FAM227B: variants seen among roughly 807,000 people sequenced by gnomAD.
FAM227B encodes the protein family with sequence similarity 227 member B, also known as protein FAM227B.
Under a neutral mutation model 73.8 loss-of-function variants are expected in FAM227B, and 88 were observed. That is an observed-to-expected ratio of 1.19 (90% CI 1.00 to 1.42). FAM227B has a LOEUF of 1.42. Ranked by LOEUF, FAM227B falls within the 40% of genes most tolerant of loss-of-function variation. The probability of loss-of-function intolerance (pLI) is 0.00; values close to 1 mark genes in which losing one functional copy is unlikely to be tolerated. For synonymous variants in FAM227B, 210 were observed against 190.5 expected, an observed-to-expected ratio of 1.10 and a Z score of -0.84; for missense variants, 632 against 590.9, an observed-to-expected ratio of 1.07 and a Z score of -0.72.
intron 15 of FAM227B, chr15:49,329,549 C>T: frequency 2.0e-6 from 2 of 984,962 alleles, no homozygotes. Flanking sequence ...TAAAGGATAA[C>T]AGTCATACAT....
intron 11 of FAM227B, 68 bp downstream of exon 11, chr15:49,508,143 G>T: frequency 2.7e-6 from 4 of 1,487,236 alleles, no homozygotes; most frequent in South Asian, 1.3e-5. Context: ...AGAAAATTCT[G>T]CCTAATAAAT....
intron 11 of FAM227B, among the ~76,000 whole-genome samples, chr15:49,428,133 C>T (rs1293674005): frequency 1.3e-5 from 2 of 151,750 alleles, no homozygotes; most frequent in African/African-American, 4.8e-5. Context: ...GATACTGGAC[C>T]ACATTTCTGA....
chr15:49,551,779 T>A (rs2073054425), intron 9 of FAM227B, among the ~76,000 whole-genome samples: 1 of 152,172 alleles, frequency 6.6e-6, no homozygotes, highest in South Asian at 2.1e-4. Context: ...TGGTTTGAGG[T>A]TACCATGAGG....
At chr15:49,580,681 T>C (rs1252416699) in intron 5 of FAM227B, among the ~76,000 whole-genome samples, 1 of 152,008 alleles carries the variant, frequency 6.6e-6, no homozygotes, top group Non-Finnish European at 1.5e-5. Flanking sequence ...TGGATAGAAA[T>C]AAAGATCATG....
intron 11 of FAM227B, among the ~76,000 whole-genome samples, chr15:49,493,253 A>G (rs1220742196): frequency 2.0e-5 from 3 of 151,896 alleles, no homozygotes; most frequent in Non-Finnish European, 2.9e-5. Flanking sequence ...TCAATTACCA[A>G]TTGTAGAACC....
Position 49,386,604 on chromosome 15 carries a change from G to T in FAM227B, c.1013-15205C>A, listed in dbSNP as rs13380075. On this transcript the variant is annotated intron_variant, in intron 11 of 15. Transcript: ENST00000299338. ...TCACACCTCAAGGAACTAGAGAAAC[G>T]AGAACAGACTAAACCTGAAGCTAGA... 3.3e-4 allele frequency among the ~76,000 whole-genome samples: 50 copies of T among 151,540 alleles called. 1 individual carries two copies. Among genetic ancestry groups the T allele is most frequent in the African/African-American group, 1.2e-3 (50 of 41,380 alleles).
chr15:49,424,210 A>G (rs911558916), intron 11 of FAM227B: 1 of 1,163,048 alleles, frequency 8.6e-7, no homozygotes, highest in Middle Eastern at 2.0e-4. Context: ...ATTCACAGAT[A>G]GGAAGAGGTC....
intron 13 of FAM227B, among the ~76,000 whole-genome samples, chr15:49,350,645 T>G (rs2042104123): frequency 1.3e-5 from 2 of 152,162 alleles, no homozygotes; most frequent in African/African-American, 4.8e-5. Context: ...AGAACCCCTA[T>G]GAGGGTACTG....
At chr15:49,357,833 C>A (rs573379505) in intron 13 of FAM227B, among the ~76,000 whole-genome samples, 5,605 of 148,894 alleles carry the variant, frequency 0.038, 135 homozygotes, top group Non-Finnish European at 0.044. Flanking sequence ...ATGCAAAAAT[C>A]CTCAATAAAA....
intron 11 of FAM227B, among the ~76,000 whole-genome samples, chr15:49,447,927 T>C (rs982961799): frequency 6.6e-6 from 1 of 151,704 alleles, no homozygotes; most frequent in Admixed American, 6.6e-5. Context: ...CTCAGGCTCG[T>C]GTCCTTTAAA....
chr15:49,497,789 T>G (rs2057756324), intron 11 of FAM227B, among the ~76,000 whole-genome samples: 1 of 152,204 alleles, frequency 6.6e-6, no homozygotes, highest in Non-Finnish European at 1.5e-5. Context: ...GTGGTAGACA[T>G]GTAATTCTCA....
intron 13 of FAM227B, among the ~76,000 whole-genome samples, chr15:49,340,746 G>C (rs2040597444): frequency 1.3e-5 from 2 of 152,060 alleles, no homozygotes; most frequent in Non-Finnish European, 1.5e-5. Context: ...TTATATTGCT[G>C]TGCAGAAGCT....
chr15:49,583,654 C>CAAA (rs200243389), intron 5 of FAM227B, among the ~76,000 whole-genome samples: 97 of 103,592 alleles, frequency 9.4e-4, no homozygotes, highest in East Asian at 3.3e-3. Context: ...TTTCACTTGG[C>CAAA]AAAAAAAAAA....
chr15:49,408,460 A>G (rs1395273272), intron 11 of FAM227B, among the ~76,000 whole-genome samples: 4 of 152,082 alleles, frequency 2.6e-5, no homozygotes, highest in African/African-American at 7.2e-5. Context: ...TGATCACTTG[A>G]GTTCTTATTC....
At chr15:49,614,510 G>A (rs2153339760) in intron 2 of FAM227B, among the ~76,000 whole-genome samples, 1 of 152,294 alleles carries the variant, frequency 6.6e-6, no homozygotes, top group East Asian at 1.9e-4. Flanking sequence ...TGCAGAAGTT[G>A]TAAACCCATG....
intron 11 of FAM227B, among the ~76,000 whole-genome samples, chr15:49,504,641 T>A (rs2058439150): frequency 6.6e-6 from 1 of 152,106 alleles, no homozygotes; most frequent in Non-Finnish European, 1.5e-5. Flanking sequence ...CCTTCCACTT[T>A]CTCTCACTTG....
intron 3 of FAM227B, among the ~76,000 whole-genome samples, chr15:49,607,584 T>C (rs1364809917): frequency 6.6e-6 from 1 of 152,192 alleles, no homozygotes; most frequent in Non-Finnish European, 1.5e-5. Flanking sequence ...TTTATGAAAA[T>C]GTCTTTATGT....
chr15:49,494,288 C>CAT (rs2057401794), intron 11 of FAM227B, among the ~76,000 whole-genome samples: 2 of 144,806 alleles, frequency 1.4e-5, no homozygotes, highest in South Asian at 4.4e-4. Context: ...CACACACACA[C>CAT]ACCCTAAACA....
At chr15:49,585,097 T>C (rs1483429883) in intron 5 of FAM227B, among the ~76,000 whole-genome samples, 2 of 152,004 alleles carry the variant, frequency 1.3e-5, no homozygotes, top group African/African-American at 2.4e-5. Context: ...AAAATGCTCA[T>C]CATCACTGGC....
Sources: gnomAD v4.1 joint callset for allele counts (sites outside exome capture counted in the v4.1 genomes callset) on GRCh38, gnomAD v4.1.1 for gene constraint, MANE v1.5 for transcripts, NCBI Gene and HGNC (gene_info 2026-07-23, HGNC 2026-07-21) for gene names.